ACAD9: variants seen among roughly 807,000 people sequenced by gnomAD.
ACAD9 encodes complex I assembly factor ACAD9, mitochondrial.
Under a neutral mutation model 70.2 loss-of-function variants are expected in ACAD9, and 53 were observed. The observed-to-expected ratio is 0.75, with a 90% CI of 0.61 to 0.95. The LOEUF is 0.95. Ranked by LOEUF, ACAD9 falls within the 40% of genes least tolerant of loss-of-function variation. The pLI is 0.00. For missense variants in ACAD9, 777 were observed against 802.8 expected, an observed-to-expected ratio of 0.97 and a Z score of 0.39; for synonymous variants, 313 against 312.1, an observed-to-expected ratio of 1.00 and a Z score of -0.03.
At chr3:128,910,649 C>T (rs2107666194) in intron 16 of ACAD9, 92 bp from the exon 17 acceptor site, 1 of 1,376,806 alleles carries the variant, frequency 7.3e-7, no homozygotes, top group Non-Finnish European at 1.0e-6. Context: ...CCCTGCCATG[C>T]TACCCAGTTT....
At position 128,879,703 on chromosome 3, in the gene ACAD9, C is replaced by T. The variant is rs148386594; in HGVS notation, c.12C>T (p.Cys4=). The change falls in exon 1 of 18, where the codon TGC becomes TGT. Residue 4 remains cysteine, a synonymous_variant. Transcript: ENST00000308982. ...GAACATCGGGCAGCATGAGCGGCTG[C>T]GGGCTCTTCCTGCGCACCACGGCTG... MSG[C]GLFLRTTAAA... is the part of the protein sequence containing the mutation. 3.7e-5 allele frequency: 60 copies of T among 1,612,494 alleles called. No individual in the cohort carries two copies. The highest frequency in any genetic ancestry group is 4.2e-5 in the Non-Finnish European group (49 of 1,179,860).
intron 7 of ACAD9, 104 bp from the exon 8 acceptor site, chr3:128,901,172 T>C: frequency 1.9e-6 from 2 of 1,076,472 alleles, no homozygotes; most frequent in Non-Finnish European, 1.4e-6. Context: ...CTACCAAACA[T>C]TGGATGGATG....
chr3:128,883,234 C>T (rs890368536), intron 1 of ACAD9, among the ~76,000 whole-genome samples: 1 of 152,062 alleles, frequency 6.6e-6, no homozygotes, highest in Non-Finnish European at 1.5e-5. Flanking sequence ...GAACTACAGG[C>T]GTGTGCAACC....
intron 13 of ACAD9, 108 bp from the exon 14 acceptor site, chr3:128,908,865 C>G: frequency 6.3e-7 from 1 of 1,576,524 alleles, no homozygotes; most frequent in South Asian, 1.1e-5. Context: ...CCCAGCATAC[C>G]CAGGCCAGAG....
In ACAD9 at chr3:128,909,139, C is replaced by G. The variant is rs1401312111; in HGVS notation, c.1485+40C>G. ...CAGGCATACCCCCTATTTCAATGCC[C>G]TCCTGCCAGATCTCCTTGTGGCAGA... is the stretch of plus-strand genomic sequence containing the variant. On this transcript the variant is annotated intron_variant, in intron 14 of 17. Coordinates refer to ENST00000308982, the MANE Select transcript of ACAD9 (RefSeq NM_014049.5). 3 of 1,612,844 alleles carry G rather than the reference C, an allele frequency of 1.9e-6. No homozygotes were observed. In the African/African-American group the frequency reaches 4.0e-5, roughly 22 times the overall value.
At chr3:128,908,943 T>TA in intron 13 of ACAD9, 30 bp from the exon 14 acceptor site, 1 of 1,613,910 alleles carries the variant, frequency 6.2e-7, no homozygotes, top group Non-Finnish European at 8.5e-7. Flanking sequence ...CAGCGAGGCC[T>TA]CCAGTCACAG....
intron 11 of ACAD9, 120 bp from the exon 12 acceptor site, chr3:128,906,001 C>A: frequency 1.4e-6 from 2 of 1,398,508 alleles, no homozygotes; most frequent in South Asian, 1.2e-5. Flanking sequence ...CATCACCCCT[C>A]AAGTTCCTCC....
chr3:128,886,779 G>A (rs2107643064), intron 2 of ACAD9, among the ~76,000 whole-genome samples: 1 of 150,882 alleles, frequency 6.6e-6, no homozygotes, highest in East Asian at 1.9e-4. Flanking sequence ...AGTGACATTG[G>A]TTGAAAGTTA....
chr3:128,892,619 G>T (rs1273109080), intron 2 of ACAD9, among the ~76,000 whole-genome samples: 1 of 152,150 alleles, frequency 6.6e-6, no homozygotes, highest in Non-Finnish European at 1.5e-5. Context: ...AACCTCCCAG[G>T]TCAAGTGATC....
At chr3:128,895,254 C>T in intron 3 of ACAD9, 56 bp from the exon 4 acceptor site, 2 of 1,390,416 alleles carry the variant, frequency 1.4e-6, no homozygotes, top group Non-Finnish European at 2.0e-6. Flanking sequence ...CCAATGAAGC[C>T]TTAATGGGAG....
chr3:128,909,406 G>A lies in ACAD9; in HGVS notation c.1548G>A (p.Leu516=), dbSNP rs561181421. ...TCGGCCGGACCGTGGAGACACTGCTGCTCCGCTTTGGCAAGGTAACCAGGC... is the reference window on the plus strand; with the variant it reads ...TCGGCCGGACCGTGGAGACACTGCTACTCCGCTTTGGCAAGGTAACCAGGC... ...YCFGRTVETL[L]LRFGKTIMEE... Residue 516 remains leucine (L), a synonymous_variant, in exon 15 of 18, where the codon CTG becomes CTA. Coordinates refer to ENST00000308982, the MANE Select transcript of ACAD9 (RefSeq NM_014049.5). 12 of 1,614,134 alleles carry A rather than the reference G, an allele frequency of 7.4e-6. No homozygotes were observed. The highest frequency in any genetic ancestry group is 3.3e-5 in the Admixed American group (2 of 60,034).
intron 6 of ACAD9, among the ~76,000 whole-genome samples, chr3:128,898,750 C>G (rs1935644833): frequency 6.6e-6 from 1 of 152,068 alleles, no homozygotes. Flanking sequence ...TGCCTCATAC[C>G]TTTTTTTGGT....
chr3:128,892,222 G>A (rs1191134860), intron 2 of ACAD9, among the ~76,000 whole-genome samples: 6 of 152,158 alleles, frequency 3.9e-5, no homozygotes, highest in Non-Finnish European at 7.4e-5. Flanking sequence ...TGACAAATAT[G>A]TCAGAACTCA....
At chr3:128,883,885 C>T (rs191187063) in intron 1 of ACAD9, among the ~76,000 whole-genome samples, 1 of 152,276 alleles carries the variant, frequency 6.6e-6, no homozygotes, top group African/African-American at 2.4e-5. Flanking sequence ...CAAGACTTCT[C>T]TAGAACACTT....
chr3:128,896,659 A>G, intron 5 of ACAD9, 123 bp downstream of exon 5: 1 of 937,638 alleles, frequency 1.1e-6, no homozygotes, highest in Non-Finnish European at 1.7e-6. Flanking sequence ...TCTTGCAAAG[A>G]ATCAACTCAG....
At chr3:128,892,496 G>A (rs1935451476) in intron 2 of ACAD9, among the ~76,000 whole-genome samples, 1 of 152,130 alleles carries the variant, frequency 6.6e-6, no homozygotes, top group Non-Finnish European at 1.5e-5. Flanking sequence ...TAGGTCTAAT[G>A]CTATGCTATT....
chr3:128,881,911 C>G (rs1295309108), intron 1 of ACAD9, among the ~76,000 whole-genome samples: 1 of 152,196 alleles, frequency 6.6e-6, no homozygotes, highest in Non-Finnish European at 1.5e-5. Context: ...TCATCTACAG[C>G]CATCTGCTGG....
intron 3 of ACAD9, among the ~76,000 whole-genome samples, chr3:128,894,933 G>C (rs1935527582): frequency 7.0e-6 from 1 of 143,428 alleles, no homozygotes; most frequent in South Asian, 2.2e-4. Context: ...CTAGAGTGCA[G>C]TGGTGCGATC....
intron 6 of ACAD9, chr3:128,898,421 T>G (rs1161431617): frequency 4.5e-6 from 2 of 446,012 alleles, no homozygotes; most frequent in Non-Finnish European, 8.9e-6. Context: ...TCTCTTTTCT[T>G]TTGAGACAGG....
Sources: allele counts gnomAD v4.1 joint callset (sites outside exome capture counted in the v4.1 genomes callset), GRCh38; gene constraint gnomAD v4.1.1; transcripts MANE v1.5; gene names NCBI Gene and HGNC (gene_info 2026-07-23, HGNC 2026-07-21).